Variants in HOOK3 observed in about 807,000 individuals in gnomAD.
The protein encoded by HOOK3 is protein Hook homolog 3.
HOOK3 carries 24 observed loss-of-function variants against 116.3 expected under a neutral mutation model. The observed-to-expected ratio is 0.21, with a 90% CI of 0.15 to 0.29. The LOEUF is 0.29. Ranked by LOEUF, HOOK3 falls within the 10% of genes least tolerant of loss-of-function variation. The pLI is 1.00. For synonymous variants in HOOK3, 275 were observed against 283.0 expected, an observed-to-expected ratio of 0.97 and a Z score of 0.28; for missense variants, 632 against 830.2, an observed-to-expected ratio of 0.76 and a Z score of 2.93.
At chr8:42,963,174 GCTGAGTAGTAGTA>G (rs1808568496) in intron 8 of HOOK3, among the ~76,000 whole-genome samples, 1 of 151,950 alleles carries the variant, frequency 6.6e-6, no homozygotes, top group African/African-American at 2.4e-5. Context: ...CTTTCTTATT[GCTGAGTAGTAGTA>G]CAGGTTGAGT....
chr8:42,982,788 C>T, intron 14 of HOOK3, 92 bp downstream of exon 14: 2 of 835,888 alleles, frequency 2.4e-6, no homozygotes, highest in African/African-American at 1.7e-5. Context: ...TTTCCTTATT[C>T]TTTCTCACCG....
At chr8:42,905,330 G>C (rs970727239) in intron 1 of HOOK3, among the ~76,000 whole-genome samples, 15 of 146,570 alleles carry the variant, frequency 1.0e-4, no homozygotes, top group Non-Finnish European at 1.8e-4. Context: ...TTTTTTGGGG[G>C]GGGGGGTGCC....
intron 2 of HOOK3, among the ~76,000 whole-genome samples, chr8:42,913,486 G>C (rs1489902505): frequency 1.3e-5 from 2 of 152,152 alleles, no homozygotes; most frequent in African/African-American, 2.4e-5. Flanking sequence ...CCATTGTATG[G>C]ATATACCACA....
chr8:42,941,042 G>A (rs574964219), intron 4 of HOOK3, among the ~76,000 whole-genome samples: 1 of 151,952 alleles, frequency 6.6e-6, no homozygotes, highest in East Asian at 2.0e-4. Context: ...CACCTCCCAG[G>A]TTCAAGTAAT....
At chr8:42,939,841 G>A (rs1212436530) in intron 4 of HOOK3, among the ~76,000 whole-genome samples, 1 of 151,566 alleles carries the variant, frequency 6.6e-6, no homozygotes, top group Non-Finnish European at 1.5e-5. Flanking sequence ...TCACATCCCG[G>A]ACGGGGCGGC....
At chr8:42,940,016 G>A (rs1311766880) in intron 4 of HOOK3, among the ~76,000 whole-genome samples, 1 of 151,602 alleles carries the variant, frequency 6.6e-6, no homozygotes, top group African/African-American at 2.4e-5. Context: ...GCCAGGCAGA[G>A]GGGCTCCTCA....
chr8:42,975,791 C>T (rs183717447), intron 13 of HOOK3, among the ~76,000 whole-genome samples: 30 of 152,266 alleles, frequency 2.0e-4, no homozygotes, highest in East Asian at 1.2e-3. Context: ...GTGCAACCTC[C>T]GCCTCCCAGG....
At position 42,943,374 on chromosome 8, in the gene HOOK3, C is replaced by A; in HGVS notation, c.329C>A (p.Ser110Tyr). 1.3e-6 allele frequency: 2 copies of A among 1,568,820 alleles called. No homozygotes were observed. The highest frequency in any genetic ancestry group is 1.7e-6 in the Non-Finnish European group (2 of 1,156,020). The stretch of plus-strand genomic sequence containing the variant: ...GATGTGAACCTTATTGGGGAGCATT[C>A]TGATGCAGCAGAGCTTGGAAGGATG... ...LPDVNLIGEH[S>Y]DAAELGRMLQ... The change falls in exon 5 of 22, where the codon TCT (serine) becomes TAT (tyrosine). Residue 110 changes from serine to tyrosine, a missense_variant. By Grantham distance (144) the Ser-to-Tyr change is moderately radical. Transcript: ENST00000307602.
Position 42,897,165 on chromosome 8 carries a change from C to G in HOOK3, c.34C>G (p.Leu12Val). 2.4e-6 allele frequency: 3 copies of G among 1,249,150 alleles called. No individual in the cohort carries two copies. Among genetic ancestry groups the G allele is most frequent in the Non-Finnish European group, 3.0e-6 (3 of 991,630 alleles). The allele number at this position is 1,249,150 out of a possible 1,614,324, so 77.4% of individuals were successfully genotyped here. Residue 12 changes from leucine to valine, a missense_variant, in exon 1 of 22, where the codon CTG becomes GTG. Transcript: ENST00000307602. ...FSVESLERAE[L>V]CESLLTWIQT... ...CGTAGAGTCGCTGGAGCGGGCGGAGCTGTGCGAGAGCCTCCTCACTTGGGT... is the reference window on the plus strand; with the variant it reads ...CGTAGAGTCGCTGGAGCGGGCGGAGGTGTGCGAGAGCCTCCTCACTTGGGT...
intron 17 of HOOK3, among the ~76,000 whole-genome samples, chr8:43,005,481 C>G (rs1809467385): frequency 6.6e-6 from 1 of 151,748 alleles, no homozygotes; most frequent in Admixed American, 6.6e-5. Context: ...CTCGGCCTTC[C>G]AAAGTGCTGG....
At chr8:42,925,839 A>G (rs1807755146) in intron 3 of HOOK3, among the ~76,000 whole-genome samples, 1 of 152,198 alleles carries the variant, frequency 6.6e-6, no homozygotes, top group African/African-American at 2.4e-5. Flanking sequence ...AAGGGCATGG[A>G]GCCAGTGTGC....
rs113103289 is a variant in HOOK3, at chr8:43,028,929, T to C, written c.*10431T>C. On this transcript the variant is annotated 3_prime_UTR_variant, in exon 22 of 22. Coordinates refer to ENST00000307602, the MANE Select transcript of HOOK3 (RefSeq NM_032410.4). ...TCCAAGCAAGTTATGATGATTCTTA[T>C]TGTAGTTCAAGTACAGATGAGTAAG... 700 of 203,208 alleles carry C rather than the reference T, an allele frequency of 3.4e-3. 4 individuals carry two copies. Among genetic ancestry groups the C allele is most frequent in the African/African-American group, 0.015 (648 of 43,820 alleles). 12.6% of individuals were successfully genotyped at this position (203,208 alleles called of 1,614,324 possible).
chr8:42,949,700 A>G (rs1586605806), intron 5 of HOOK3, among the ~76,000 whole-genome samples: 1 of 152,138 alleles, frequency 6.6e-6, no homozygotes, highest in East Asian at 1.9e-4. Flanking sequence ...CAGGCGGATC[A>G]CGAGGTCAAG....
intron 4 of HOOK3, among the ~76,000 whole-genome samples, chr8:42,940,255 G>A (rs1312875843): frequency 3.3e-5 from 5 of 152,234 alleles, no homozygotes; most frequent in Non-Finnish European, 5.9e-5. Context: ...CGAGGCTGGC[G>A]GATCACTCGC....
At chr8:42,914,634 A>G (rs73675443) in intron 2 of HOOK3, among the ~76,000 whole-genome samples, 3,635 of 152,186 alleles carry the variant, frequency 0.024, 147 homozygotes, top group African/African-American at 0.083. Context: ...CACTCCTTGT[A>G]CACATTTTTA....
intron 2 of HOOK3, among the ~76,000 whole-genome samples, chr8:42,922,879 C>CAA (rs796695239): frequency 5.8e-5 from 5 of 85,962 alleles, no homozygotes; most frequent in South Asian, 8.0e-4. Flanking sequence ...GACTCTGTCT[C>CAA]AAAAAAAAAA....
chr8:42,897,229 C>T, intron 1 of HOOK3, 41 bp downstream of exon 1: 1 of 1,203,772 alleles, frequency 8.3e-7, no homozygotes. Flanking sequence ...CCCCCTCCCC[C>T]CGCCACCTAC....
At chr8:43,006,030 A>T (rs1485052561) in intron 17 of HOOK3, among the ~76,000 whole-genome samples, 14 of 145,392 alleles carry the variant, frequency 9.6e-5, no homozygotes, top group African/African-American at 3.4e-4. Context: ...ATTTATTTTT[A>T]TTTATTTTGA....
At chr8:42,934,549 C>G (rs34831162) in intron 4 of HOOK3, among the ~76,000 whole-genome samples, 4 of 152,088 alleles carry the variant, frequency 2.6e-5, no homozygotes, top group East Asian at 3.9e-4. Flanking sequence ...CCTAGCCCCC[C>G]TCCCCCGCAC....
Sources: gnomAD v4.1 joint callset for allele counts (sites outside exome capture counted in the v4.1 genomes callset) on GRCh38, gnomAD v4.1.1 for gene constraint, MANE v1.5 for transcripts, NCBI Gene and HGNC (gene_info 2026-07-23, HGNC 2026-07-21) for gene names.